The following WDR49 variants were observed in gnomAD, a reference collection of about 807,000 sequenced individuals.
WDR49 encodes the protein cilia- and flagella-associated protein 337.
WDR49 carries 107 observed loss-of-function variants against 119.5 expected under a neutral mutation model. The observed-to-expected ratio is 0.90, with a 90% CI of 0.77 to 1.05. The LOEUF (loss-of-function observed/expected upper bound fraction) is 1.05. WDR49 is among the 50% of genes least tolerant of loss of function. The pLI is 0.00. For missense variants in WDR49, 1,240 were observed against 1,220.5 expected (o/e 1.02, Z -0.24); for synonymous variants, 425 against 418.8 (o/e 1.01, Z -0.18).
chr3:167,582,803 T>C (rs1714607561), intron 7 of WDR49, among the ~76,000 whole-genome samples: 1 of 151,972 alleles, frequency 6.6e-6, no homozygotes, highest in Non-Finnish European at 1.5e-5. Context: ...AAAAAAGTAG[T>C]TGGACATTAT....
At chr3:167,597,075 G>A (rs941469361) in intron 7 of WDR49, among the ~76,000 whole-genome samples, 1 of 152,096 alleles carries the variant, frequency 6.6e-6, no homozygotes, top group Non-Finnish European at 1.5e-5. Context: ...ATGTCTCCAG[G>A]GCATTTTGGA....
intron 18 of WDR49, among the ~76,000 whole-genome samples, chr3:167,494,013 C>T (rs1420606275): frequency 6.6e-6 from 1 of 152,162 alleles, no homozygotes; most frequent in African/African-American, 2.4e-5. Context: ...TAAATTCAAA[C>T]TCCTTAATAT....
At chr3:167,520,714 G>A (rs1242592166) in intron 16 of WDR49, among the ~76,000 whole-genome samples, 3 of 152,118 alleles carry the variant, frequency 2.0e-5, no homozygotes, top group African/African-American at 7.2e-5. Flanking sequence ...AATTTATTGA[G>A]ATGTTTAATA....
intron 2 of WDR49, among the ~76,000 whole-genome samples, chr3:167,652,293 A>C (rs1718424919): frequency 6.6e-6 from 1 of 152,208 alleles, no homozygotes; most frequent in Non-Finnish European, 1.5e-5. Context: ...TCTTTTGTGG[A>C]TATCCAAAGA....
At chr3:167,646,439 C>G (rs1018173813) in intron 2 of WDR49, among the ~76,000 whole-genome samples, 1 of 152,026 alleles carries the variant, frequency 6.6e-6, no homozygotes, top group East Asian at 1.9e-4. Flanking sequence ...TAGCTCCTTG[C>G]CACAAATATA....
intron 7 of WDR49, among the ~76,000 whole-genome samples, chr3:167,585,227 A>G (rs780490000): frequency 2.0e-5 from 3 of 152,146 alleles, no homozygotes; most frequent in Non-Finnish European, 4.4e-5. Flanking sequence ...GCTGACAAGA[A>G]TATGAGAAAA....
intron 7 of WDR49, among the ~76,000 whole-genome samples, chr3:167,586,736 T>C (rs74952559): frequency 0.027 from 4,092 of 152,276 alleles, 173 homozygotes; most frequent in East Asian, 0.17. Context: ...TAAAGTGAAA[T>C]AGATTTAGAC....
chr3:167,602,109 A>G lies in WDR49; in HGVS notation c.1275+18T>C. 1 of 1,550,458 alleles carries G rather than the reference A, an allele frequency of 6.4e-7. No individual in the cohort carries two copies. ...GGGGAAGCAAAACTAAATTAATTAA[A>G]AGCACAATGTTACTTACTTTATCCT... On this transcript the variant is annotated intron_variant, in intron 7 of 18. Transcript: ENST00000682715.
chr3:167,575,127 T>C (rs940039389), intron 8 of WDR49: 1 of 985,248 alleles, frequency 1.0e-6, no homozygotes. Context: ...GCTGGAGACT[T>C]GCTTCTGCTT....
chr3:167,485,987 A>G (rs1187550488), intron 18 of WDR49, among the ~76,000 whole-genome samples: 1 of 152,032 alleles, frequency 6.6e-6, no homozygotes, highest in Non-Finnish European at 1.5e-5. Flanking sequence ...GAAAAAAAAA[A>G]GGCAGTTAGA....
chr3:167,554,819 C>T (rs1255783797), intron 9 of WDR49, 21 bp from the exon 10 acceptor site: 1 of 1,558,842 alleles, frequency 6.4e-7, no homozygotes, highest in South Asian at 1.2e-5. Flanking sequence ...AAAATTAAAA[C>T]CACTTTGAGA....
chr3:167,556,040 T>C (rs1383459140), intron 9 of WDR49, among the ~76,000 whole-genome samples: 2 of 152,144 alleles, frequency 1.3e-5, no homozygotes, highest in African/African-American at 2.4e-5. Flanking sequence ...AGTAGAAATA[T>C]AGCATTATAA....
chr3:167,615,058 A>T (rs1716528723), intron 5 of WDR49, among the ~76,000 whole-genome samples: 1 of 152,236 alleles, frequency 6.6e-6, no homozygotes, highest in Non-Finnish European at 1.5e-5. Flanking sequence ...TCTCGTATTG[A>T]AATCACTGAG....
At position 167,560,111 on chromosome 3, in the gene WDR49, C is replaced by T. The variant is rs757667959; in HGVS notation, c.1627G>A (p.Ala543Thr). The T allele has an allele frequency of 6.2e-6, 10 of 1,614,182 alleles. No homozygotes were observed. Among genetic ancestry groups the T allele is most frequent in the South Asian group, 2.2e-5 (2 of 91,084 alleles). Residue 543 changes from alanine to threonine, a missense_variant, in exon 9 of 19, where the codon GCA (alanine) becomes ACA (threonine). Physicochemically the swap from Ala to Thr is moderately conservative, Grantham distance 58 (BLOSUM62 0). Coordinates refer to ENST00000682715, the MANE Select transcript of WDR49 (RefSeq NM_001366157.1). ...NAEISTMALD[A>T]NETRLLTGST... ...CCAGTCAAAAGCCGAGTCTCATTTG[C>T]ATCAAGGGCCATAGTGCTGATTTCT...
intron 5 of WDR49, among the ~76,000 whole-genome samples, chr3:167,614,789 C>T (rs1306599029): frequency 6.6e-6 from 1 of 151,984 alleles, no homozygotes. Context: ...TCTTTCTTTC[C>T]TCAATTGTAT....
chr3:167,593,961 C>T (rs1435157650), intron 7 of WDR49, among the ~76,000 whole-genome samples: 2 of 152,144 alleles, frequency 1.3e-5, no homozygotes, highest in Non-Finnish European at 2.9e-5. Flanking sequence ...GTAAGATGTG[C>T]CTTGCTTCCC....
intron 8 of WDR49, chr3:167,575,332 T>C: frequency 1.0e-6 from 1 of 978,538 alleles, no homozygotes. Context: ...GCCCTGCTTC[T>C]TCATTGAGAT....
chr3:167,605,906 G>A (rs1223770735), intron 5 of WDR49, among the ~76,000 whole-genome samples: 1 of 152,196 alleles, frequency 6.6e-6, no homozygotes, highest in Non-Finnish European at 1.5e-5. Flanking sequence ...GTCATGACAT[G>A]CAATATTATA....
At chr3:167,558,940 C>A (rs1713105020) in intron 9 of WDR49, among the ~76,000 whole-genome samples, 1 of 152,134 alleles carries the variant, frequency 6.6e-6, no homozygotes, top group Non-Finnish European at 1.5e-5. Context: ...TTTTATTTCA[C>A]CTCAATTATT....
Sources: gnomAD v4.1 joint callset for allele counts (sites outside exome capture counted in the v4.1 genomes callset) on GRCh38, gnomAD v4.1.1 for gene constraint, MANE v1.5 for transcripts, NCBI Gene and HGNC (gene_info 2026-07-23, HGNC 2026-07-21) for gene names.